VIP: variants seen among roughly 807,000 people sequenced by gnomAD.
VIP encodes the protein VIP peptides.
In VIP, 18 loss-of-function variants were observed where a neutral mutation model predicts 20.1. That is an observed-to-expected ratio of 0.90 (90% confidence interval 0.62 to 1.33). The LOEUF is 1.33. Ranked by LOEUF, VIP falls within the 40% of genes most tolerant of loss-of-function variation. The pLI, the probability that VIP is intolerant of heterozygous loss-of-function variation, is 0.00. For missense variants in VIP, 209 were observed against 199.4 expected (o/e 1.05, Z -0.29); for synonymous variants, 70 against 68.1 (o/e 1.03, Z -0.14).
At chr6:152,755,544 T>G (rs997251945) in intron 4 of VIP, among the ~76,000 whole-genome samples, 171 bp downstream of exon 4, 1 of 151,984 alleles carries the variant, frequency 6.6e-6, no homozygotes, top group Non-Finnish European at 1.5e-5. Flanking sequence ...ATCAAGCCCA[T>G]GGACTAAGAC....
intron 2 of VIP, among the ~76,000 whole-genome samples, chr6:152,753,125 G>A (rs1468530653): frequency 6.6e-6 from 1 of 152,076 alleles, no homozygotes; most frequent in Non-Finnish European, 1.5e-5. Flanking sequence ...TAACCTCTTA[G>A]CTATTAGTGT....
In VIP at chr6:152,752,988, T is replaced by G. The variant is rs188889648; in HGVS notation, c.107+704T>G. On this transcript the variant is annotated intron_variant, in intron 2 of 6. Transcript: ENST00000367244. Reference sequence around the variant, plus strand: ...AATGAAAACTATATTAGCTTGAATTTTCCTTTCAGTTTACGGGCACCACTG... The same window carrying G: ...AATGAAAACTATATTAGCTTGAATTGTCCTTTCAGTTTACGGGCACCACTG... Among the ~76,000 whole-genome samples, 59 of 152,290 alleles carry G rather than the reference T, an allele frequency of 3.9e-4. 1 individual carries two copies. The highest frequency in any genetic ancestry group is 3.9e-3 in the Admixed American group (59 of 15,258).
intron 6 of VIP, among the ~76,000 whole-genome samples, chr6:152,758,125 A>G (rs796301210): frequency 1.3e-4 from 20 of 152,106 alleles, no homozygotes; most frequent in African/African-American, 4.6e-4. Flanking sequence ...CTGTGTTCCA[A>G]TAAAACTTTA....
rs911478217 is a variant in VIP, at chr6:152,753,652, A to T, written c.108-514A>T. ...AGAGAAATATATAATGCCAAAGTAA[A>T]TATTTGAAGCAAAGCTTGGGGGTCG... is the stretch of plus-strand genomic sequence containing the variant. On this transcript the variant is annotated intron_variant, in intron 2 of 6. Transcript: ENST00000367244. Among the ~76,000 whole-genome samples the T allele has an allele frequency of 1.4e-4, 21 of 152,042 alleles. No homozygotes were observed. In the South Asian group the frequency reaches 1.9e-3, roughly 13 times the overall value.
At position 152,751,297 on chromosome 6, in the gene VIP, A is replaced by G. The variant is rs574116738; in HGVS notation, c.-11+338A>G. ...GGAACATTTGCTTTTGAAATTTTCA[A>G]CTTATTTTTAAAGTGCTTTTTTTTT... On this transcript the variant is annotated intron_variant, in intron 1 of 6. Coordinates refer to ENST00000367244, the MANE Select transcript of VIP (RefSeq NM_003381.4). Among the ~76,000 whole-genome samples the G allele has an allele frequency of 2.3e-3, 357 of 152,234 alleles. 2 individuals carry two copies. Among genetic ancestry groups the G allele is most frequent in the African/African-American group, 8.2e-3 (339 of 41,570 alleles).
chr6:152,756,246 A>T lies in VIP; in HGVS notation c.448A>T (p.Ile150Phe), dbSNP rs1446456539. Residue 150 changes from isoleucine (I) to phenylalanine (F), a missense_variant, in exon 5 of 7, where the codon ATT becomes TTT. Physicochemically the swap from Ile to Phe is conservative, Grantham distance 21 (BLOSUM62 0). Transcript: ENST00000367244. ...GGCTGTAAAGAAATATTTGAACTCAATTCTGAATGGAAAGAGGAGGTAAAG... is the reference window on the plus strand; with the variant it reads ...GGCTGTAAAGAAATATTTGAACTCATTTCTGAATGGAAAGAGGAGGTAAAG... The part of the protein sequence containing the change: ...QMAVKKYLNS[I>F]LNGKRSSEGE... The T allele has an allele frequency of 3.4e-5, 55 of 1,610,170 alleles. No individual in the cohort carries two copies. Among genetic ancestry groups the T allele is most frequent in the Non-Finnish European group, 4.4e-5 (52 of 1,177,890 alleles).
chr6:152,755,852 G>A (rs1188542381), intron 4 of VIP, among the ~76,000 whole-genome samples: 1 of 151,614 alleles, frequency 6.6e-6, no homozygotes, highest in Non-Finnish European at 1.5e-5. Flanking sequence ...CAATGGCAGA[G>A]CACAACTTCA....
In VIP at chr6:152,754,194, G is replaced by T; in HGVS notation, c.136G>T (p.Ala46Ser). ...GGGTGACAGAATACCCTTTGAGGGA[G>T]CAAATGAACCTGATCAAGTTTCATT... ...RLGDRIPFEG[A>S]NEPDQVSLKE... The change falls in exon 3 of 7, where the codon GCA becomes TCA. Residue 46 changes from alanine (A) to serine (S), a missense_variant. Coordinates refer to ENST00000367244, the MANE Select transcript of VIP (RefSeq NM_003381.4). 6.2e-7 allele frequency: 1 copy of T among 1,611,248 alleles called. No homozygotes were observed. Among genetic ancestry groups the T allele is most frequent in the Non-Finnish European group, 8.5e-7 (1 of 1,178,518 alleles).
At position 152,759,532 on chromosome 6, in the gene VIP, G is replaced by A. The variant is rs2099730921; in HGVS notation, c.*666G>A. 1 of 151,800 alleles carries A rather than the reference G, an allele frequency of 6.6e-6. No individual in the cohort carries two copies. Among genetic ancestry groups the A allele is most frequent in the Admixed American group, 6.6e-5 (1 of 15,170 alleles). The allele number at this position is 151,800 out of a possible 1,614,324, so 9.4% of individuals were successfully genotyped here. ...CTTTCAGTTAAGGAGAACGACCCCTGCTTCTGACACTGAAACTTCCCTTTC... is the reference window on the plus strand; with the variant it reads ...CTTTCAGTTAAGGAGAACGACCCCTACTTCTGACACTGAAACTTCCCTTTC... On this transcript the variant is annotated 3_prime_UTR_variant, in exon 7 of 7. Transcript: ENST00000367244.
intron 2 of VIP, among the ~76,000 whole-genome samples, chr6:152,753,823 T>C (rs897642871): frequency 6.6e-6 from 1 of 152,060 alleles, no homozygotes; most frequent in Middle Eastern, 3.2e-3. Context: ...TATTTCTACA[T>C]ACGAAATTTG....
chr6:152,754,857 A>G (rs1435847898), intron 3 of VIP, among the ~76,000 whole-genome samples: 1 of 152,004 alleles, frequency 6.6e-6, no homozygotes, highest in East Asian at 1.9e-4. Flanking sequence ...GGGTTTATGA[A>G]CTTTCCAAAA....
intron 5 of VIP, 122 bp downstream of exon 5, chr6:152,756,387 C>A (rs2099730433): frequency 1.7e-6 from 2 of 1,178,006 alleles, no homozygotes; most frequent in South Asian, 1.9e-5. Flanking sequence ...TGATTTTCAA[C>A]CTTGGCTGAC....
rs372329323 is a variant in VIP at position 152,754,291 on chromosome 6, G to A, written c.230+3G>A. The A allele has an allele frequency of 2.5e-6, 4 of 1,593,112 alleles. No homozygotes were observed. The African/African-American group carries it at 5.4e-5, about 22-fold the overall frequency. ...ACACCCTATTATGATGTATCCAGGT[G>A]AGTTTATTTTTATAAAACTATCCAA... On this transcript the variant is annotated splice_donor_region_variant and intron_variant, in intron 3 of 6. Coordinates refer to ENST00000367244, the MANE Select transcript of VIP (RefSeq NM_003381.4).
At chr6:152,756,623 T>A (rs2099730465) in intron 5 of VIP, among the ~76,000 whole-genome samples, 3 of 152,026 alleles carry the variant, frequency 2.0e-5, no homozygotes, top group Admixed American at 1.3e-4. Flanking sequence ...TTAAAACATG[T>A]AAAGCATAGT....
At chr6:152,755,188 T>A in intron 3 of VIP, 81 bp from the exon 4 acceptor site, 1 of 866,886 alleles carries the variant, frequency 1.2e-6, no homozygotes, top group Non-Finnish European at 1.7e-6. Context: ...GCCCATAATT[T>A]TTTTGTTATT....
Position 152,756,214 on chromosome 6 carries a change from A to C in VIP, c.416A>C (p.Lys139Thr). The C allele has an allele frequency of 6.2e-7, 1 of 1,612,002 alleles. No homozygotes were observed. The highest frequency in any genetic ancestry group is 8.5e-7 in the Non-Finnish European group (1 of 1,178,538). Residue 139 changes from lysine (K) to threonine (T), a missense_variant, in exon 5 of 7, where the codon AAA becomes ACA. Transcript: ENST00000367244. Reference protein sequence around the residue: ...VFTDNYTRLRKQMAVKKYLNS... With the variant: ...VFTDNYTRLRTQMAVKKYLNS... ...ACTGACAACTATACCCGCCTTAGAA[A>C]ACAAATGGCTGTAAAGAAATATTTG...
At position 152,750,864 on chromosome 6, in the gene VIP, T is replaced by C. The variant is rs2099729503; in HGVS notation, c.-106T>C. On this transcript the variant is annotated 5_prime_UTR_variant, in exon 1 of 7. Coordinates refer to ENST00000367244, the MANE Select transcript of VIP (RefSeq NM_003381.4). ...TTAGCCATTGCTAAGGGCAGAGAACTGGTGGAGCCTTTCTCTTACTCCCAG... is the reference window on the plus strand; with the variant it reads ...TTAGCCATTGCTAAGGGCAGAGAACCGGTGGAGCCTTTCTCTTACTCCCAG... 6.6e-6 allele frequency: 1 copy of C among 152,188 alleles called. No homozygotes were observed. The highest frequency in any genetic ancestry group is 6.6e-5 in the Admixed American group (1 of 15,266). 9.4% of individuals were successfully genotyped at this position (152,188 alleles called of 1,614,324 possible). A position where few individuals can be genotyped will look rare whatever the true frequency, so the allele number is the denominator to read the frequency against.
rs1207475404 is a variant in VIP at position 152,754,828 on chromosome 6, GA to G, written c.231-432del. On this transcript the variant is annotated intron_variant, in intron 3 of 6. Transcript: ENST00000367244. ...TTTGTTTCCAAATATTTTGGAAAAAGAAAAAAAAAGGTGTACTGGGGTTTAT... is the reference window on the plus strand; with the variant it reads ...TTTGTTTCCAAATATTTTGGAAAAAGAAAAAAAAGGTGTACTGGGGTTTAT... Among the ~76,000 whole-genome samples, 7 of 149,770 alleles carry G rather than the reference GA, an allele frequency of 4.7e-5. No homozygotes were observed. The East Asian group carries it at 9.8e-4, about 21-fold the overall frequency.
chr6:152,755,790 T>C (rs1207679900), intron 4 of VIP, among the ~76,000 whole-genome samples: 1 of 151,624 alleles, frequency 6.6e-6, no homozygotes, highest in Non-Finnish European at 1.5e-5. Flanking sequence ...CAGGGTAGCA[T>C]AGCTTCTAAA....
Sources: gnomAD v4.1 joint callset for allele counts (sites outside exome capture counted in the v4.1 genomes callset) on GRCh38, gnomAD v4.1.1 for gene constraint, MANE v1.5 for transcripts, NCBI Gene and HGNC (gene_info 2026-07-23, HGNC 2026-07-21) for gene names.